Variants in HOOK1 observed in about 807,000 individuals in gnomAD.
HOOK1 encodes the protein hook microtubule tethering protein 1, also known as protein Hook homolog 1.
A neutral mutation model predicts 112.8 loss-of-function variants in HOOK1; 60 were observed. That is an observed-to-expected ratio of 0.53 (90% CI 0.43 to 0.66). HOOK1 has a LOEUF of 0.66. Among genes scored for constraint, HOOK1 ranks in the 30% least tolerant of loss-of-function variants. HOOK1 has a pLI of 0.00. For synonymous variants in HOOK1, 294 were observed against 283.8 expected, an observed-to-expected ratio of 1.04 and a Z score of -0.36; for missense variants, 770 against 856.0, an observed-to-expected ratio of 0.90 and a Z score of 1.25.
chr1:59,821,811 T>C (rs2098385896), intron 1 of HOOK1, 47 bp from the exon 2 acceptor site: 1 of 1,300,446 alleles, frequency 7.7e-7, no homozygotes, highest in African/African-American at 1.5e-5. Context: ...AATGCTACCT[T>C]GTAGGTATAA....
chr1:59,847,129 ATT>A lies in HOOK1; in HGVS notation c.874_875del (p.Leu292AspfsTer2), dbSNP rs1559053577. 1 of 1,608,230 alleles carries A rather than the reference ATT, an allele frequency of 6.2e-7. No individual in the cohort carries two copies. The highest frequency in any genetic ancestry group is 2.2e-5 in the East Asian group (1 of 44,608). On this transcript the variant is annotated frameshift_variant, in exon 10 of 22. Coordinates refer to ENST00000371208, the MANE Select transcript of HOOK1 (RefSeq NM_015888.6). LOFTEE classifies it high-confidence loss of function. ...TCGAATTCCAGCATAGGAATGATGA[ATT>A]GACTAGTCTTGCAGAAGAAACAAGA... is the stretch of plus-strand genomic sequence containing the variant. Reference protein sequence around the residue: ...LIEFQHRNDELTSLAEETRAL... With the variant: ...LIEFQHRNDEXTSLAEETRAL...
chr1:59,863,229 A>G (rs1175008367), intron 16 of HOOK1, among the ~76,000 whole-genome samples: 5 of 152,180 alleles, frequency 3.3e-5, no homozygotes. Context: ...TGGAATTCCA[A>G]CAGGGCTGGC....
chr1:59,838,919 T>C (rs1191725485), intron 7 of HOOK1, among the ~76,000 whole-genome samples: 1 of 152,212 alleles, frequency 6.6e-6, no homozygotes, highest in Non-Finnish European at 1.5e-5. Context: ...TGCATATGGC[T>C]AGCCAGTTTT....
Position 59,848,654 on chromosome 1 carries a change from T to C in HOOK1, c.1131+138T>C, listed in dbSNP as rs544121628. The C allele has an allele frequency of 1.8e-5, 11 of 607,558 alleles. No homozygotes were observed. In the East Asian group the frequency reaches 3.2e-4, roughly 18 times the overall value. 37.6% of individuals were successfully genotyped at this position (607,558 alleles called of 1,614,324 possible). A position where few individuals can be genotyped will look rare whatever the true frequency, so the allele number is the denominator to read the frequency against. ...ATGAACTTATTCTGATGAATTTCTT[T>C]CTTTAATTTTAATTCAAGGATTGAT... is the stretch of plus-strand genomic sequence containing the variant. On this transcript the variant is annotated intron_variant, in intron 11 of 21. Transcript: ENST00000371208.
rs575766355 is a variant in HOOK1, at chr1:59,836,021, G to C, written c.474+609G>C. ...ACGCAGGATAAACAGTCTCTGACCA[G>C]AACAGTCTCTGACCAGACAGGAGTT... On this transcript the variant is annotated intron_variant, in intron 6 of 21. Coordinates refer to ENST00000371208, the MANE Select transcript of HOOK1 (RefSeq NM_015888.6). Among the ~76,000 whole-genome samples, 11 of 152,086 alleles carry C rather than the reference G, an allele frequency of 7.2e-5. No individual in the cohort carries two copies. The South Asian group carries it at 1.7e-3, about 23-fold the overall frequency.
chr1:59,815,220 C>T (rs2098380304), intron 1 of HOOK1, 40 bp downstream of exon 1: 1 of 1,530,294 alleles, frequency 6.5e-7, no homozygotes, highest in Middle Eastern at 2.0e-4. Context: ...GGCCAGGGGG[C>T]CGAGGCGAGG....
rs2098400451 is a variant in HOOK1 at position 59,840,363 on chromosome 1, G to A, written c.593G>A (p.Arg198Lys). 5 of 1,588,184 alleles carry A rather than the reference G, an allele frequency of 3.1e-6. No individual in the cohort carries two copies. The highest frequency in any genetic ancestry group is 4.3e-6 in the Non-Finnish European group (5 of 1,168,186). Residue 198 changes from arginine to lysine, a missense_variant, in exon 8 of 22, where the codon AGG (arginine) becomes AAG (lysine). Arg to Lys is a conservative substitution (Grantham distance 26). Around this residue, in one of 3 missense-constraint regions of HOOK1, gnomAD observed 655 missense variants for 725.9 expected, o/e 0.90. Coordinates refer to ENST00000371208, the MANE Select transcript of HOOK1 (RefSeq NM_015888.6). ...GCACTAGCAGAAAAAGAAGAGCTGA[G>A]GCAAAGATGTGAAGAATTGGATATG... is the stretch of plus-strand genomic sequence containing the variant. ...QEALAEKEEL[R>K]QRCEELDMQV...
At chr1:59,851,689 A>G (rs1001278482) in intron 12 of HOOK1, among the ~76,000 whole-genome samples, 1 of 151,650 alleles carries the variant, frequency 6.6e-6, no homozygotes, top group African/African-American at 2.4e-5. Context: ...TTGTCAGTAC[A>G]ATGTTAAATA....
intron 2 of HOOK1, among the ~76,000 whole-genome samples, chr1:59,823,102 C>CCT (rs2098386878): frequency 7.9e-5 from 12 of 152,198 alleles, no homozygotes; most frequent in Non-Finnish European, 1.3e-4. Context: ...GGGCGAATCA[C>CCT]AAGGTCAGCA....
At chr1:59,863,830 G>T (rs541105266) in intron 16 of HOOK1, 10 of 966,000 alleles carry the variant, frequency 1.0e-5, no homozygotes, top group Non-Finnish European at 1.2e-5. Context: ...AATAGAAATC[G>T]TCTCATGCAT....
chr1:59,842,208 G>A (rs2098401384), intron 8 of HOOK1, among the ~76,000 whole-genome samples: 1 of 152,086 alleles, frequency 6.6e-6, no homozygotes, highest in East Asian at 1.9e-4. Context: ...GCTAGAATGA[G>A]ATATTCTTTT....
In HOOK1 at chr1:59,871,111, G is replaced by A. The variant is rs1644049213; in HGVS notation, c.2016+1G>A. 1 of 1,606,130 alleles carries A rather than the reference G, an allele frequency of 6.2e-7. No homozygotes were observed. Among genetic ancestry groups the A allele is most frequent in the Admixed American group, 1.7e-5 (1 of 59,866 alleles). On this transcript the variant is annotated splice_donor_variant, in intron 21 of 21. Coordinates refer to ENST00000371208, the MANE Select transcript of HOOK1 (RefSeq NM_015888.6). LOFTEE classifies it high-confidence loss of function. ...CATTGTTTCTGCGTGGTATAATAAG[G>A]TGAGCTGAAGTTCAGCAAATGATTG... is the stretch of plus-strand genomic sequence containing the variant.
chr1:59,835,433 A>T (rs1056763379), intron 6 of HOOK1, 21 bp downstream of exon 6: 1 of 1,413,646 alleles, frequency 7.1e-7, no homozygotes, highest in Non-Finnish European at 9.9e-7. Flanking sequence ...TCATGTTCCT[A>T]TGAGTATAAA....
intron 1 of HOOK1, among the ~76,000 whole-genome samples, chr1:59,821,606 G>GT (rs1411636347): frequency 2.6e-5 from 4 of 152,272 alleles, no homozygotes; most frequent in African/African-American, 9.6e-5. Context: ...TATTACTTAT[G>GT]CATGGCATCA....
intron 8 of HOOK1, among the ~76,000 whole-genome samples, chr1:59,842,712 G>T (rs1055012779): frequency 2.0e-5 from 3 of 152,080 alleles, no homozygotes; most frequent in Non-Finnish European, 1.5e-5. Flanking sequence ...ATATGTAAAA[G>T]TTCTGGCCTT....
Position 59,865,182 on chromosome 1 carries a change from C to T in HOOK1, c.1681C>T (p.His561Tyr), listed in dbSNP as rs1378178333. The change falls in exon 18 of 22, where the codon CAT becomes TAT. Residue 561 changes from histidine to tyrosine, a missense_variant. Coordinates refer to ENST00000371208, the MANE Select transcript of HOOK1 (RefSeq NM_015888.6). Reference sequence around the variant, plus strand: ...ACTTAGGGAAAAACTCACAGAGGTCCATGAAGAATTACAGAAGAAACAAGA... The same window carrying T: ...ACTTAGGGAAAAACTCACAGAGGTCTATGAAGAATTACAGAAGAAACAAGA... Reference protein sequence around the residue: ...EAHMEKLTEVHEELQKKQELI... With the variant: ...EAHMEKLTEVYEELQKKQELI... The T allele has an allele frequency of 6.2e-7, 1 of 1,604,826 alleles. No homozygotes were observed. The highest frequency in any genetic ancestry group is 1.7e-5 in the Admixed American group (1 of 59,950).
At chr1:59,826,020 C>T (rs1312589401) in intron 2 of HOOK1, among the ~76,000 whole-genome samples, 2 of 152,044 alleles carry the variant, frequency 1.3e-5, no homozygotes, top group African/African-American at 4.8e-5. Context: ...CTGGATATTT[C>T]AAGAAGAATA....
intron 9 of HOOK1, among the ~76,000 whole-genome samples, chr1:59,846,630 C>T (rs2098404212): frequency 7.7e-6 from 1 of 129,078 alleles, no homozygotes; most frequent in African/African-American, 2.9e-5. Flanking sequence ...CTCATTCTTT[C>T]TTTCTTTCTA....
chr1:59,844,966 C>T (rs1218587168), intron 9 of HOOK1, among the ~76,000 whole-genome samples: 1 of 151,900 alleles, frequency 6.6e-6, no homozygotes, highest in Non-Finnish European at 1.5e-5. Context: ...TTTCTAAATT[C>T]ACTTATTGAG....
Sources: allele counts gnomAD v4.1 joint callset (sites outside exome capture counted in the v4.1 genomes callset), GRCh38; gene constraint gnomAD v4.1.1; regional missense constraint gnomAD v4.1.1; transcripts MANE v1.5; gene names NCBI Gene and HGNC (gene_info 2026-07-23, HGNC 2026-07-21).